The following KLHL12 variants were observed in gnomAD, a reference collection of about 807,000 sequenced individuals.
KLHL12 encodes the protein kelch-like protein 12.
KLHL12 carries 17 observed loss-of-function variants against 60.8 expected under a neutral mutation model. The observed-to-expected ratio is 0.28, with a 90% CI of 0.19 to 0.42. The LOEUF (loss-of-function observed/expected upper bound fraction) is 0.42, where lower values mean the gene tolerates loss of function less well. Among genes scored for constraint, KLHL12 ranks in the 10% least tolerant of loss-of-function variants. The pLI, the probability that KLHL12 is intolerant of heterozygous loss-of-function variation, is 1.00. For missense variants in KLHL12, 468 were observed against 722.3 expected, an observed-to-expected ratio of 0.65 and a Z score of 4.04; for synonymous variants, 220 against 250.9, an observed-to-expected ratio of 0.88 and a Z score of 1.16.
intron 6 of KLHL12, among the ~76,000 whole-genome samples, chr1:202,899,442 T>C (rs894887953): frequency 2.2e-4 from 33 of 152,218 alleles, no homozygotes; most frequent in African/African-American, 7.5e-4. Flanking sequence ...ACGGAGTTTT[T>C]CTAAGAGGGC....
At chr1:202,927,022 G>C (rs969978996) in intron 1 of KLHL12, 67 bp downstream of exon 1, 11 of 968,106 alleles carry the variant, frequency 1.1e-5, no homozygotes, top group African/African-American at 1.1e-4. Context: ...ATGGGGGGTA[G>C]GGCCATAACC....
chr1:202,928,403 C>A (rs1018174352), upstream of KLHL12: 6 of 843,884 alleles, frequency 7.1e-6, no homozygotes, highest in East Asian at 3.8e-4. Flanking sequence ...TCCTCCCTAC[C>A]GCTCACTAGG....
intron 4 of KLHL12, among the ~76,000 whole-genome samples, chr1:202,915,487 A>T (rs1320629163): frequency 1.3e-5 from 2 of 152,166 alleles, no homozygotes; most frequent in African/African-American, 4.8e-5. Flanking sequence ...AAAAAACTAC[A>T]CATAAGAGTT....
chr1:202,894,734 G>A lies in KLHL12; in HGVS notation c.1151C>T (p.Ser384Phe), dbSNP rs772172467. The stretch of plus-strand genomic sequence containing the variant: ...ACGCCTGCTTCCATCAAAGCCTCCA[G>A]AGACATAGATCATATCTGCTCAGAA... ...ATTLGDMIYV[S>F]GGFDGSRRHT... The change falls in exon 9 of 12, where the codon TCT (serine) becomes TTT (phenylalanine). Residue 384 changes from serine to phenylalanine, a missense_variant. Physicochemically the swap from Ser to Phe is radical, Grantham distance 155. Transcript: ENST00000367261. 3.7e-6 allele frequency: 6 copies of A among 1,613,682 alleles called. No individual in the cohort carries two copies. The highest frequency in any genetic ancestry group is 4.2e-6 in the Non-Finnish European group (5 of 1,179,590).
chr1:202,916,915 G>A (rs1417610516), intron 4 of KLHL12, among the ~76,000 whole-genome samples: 2 of 151,230 alleles, frequency 1.3e-5, no homozygotes, highest in African/African-American at 4.9e-5. Flanking sequence ...CCAGGCTGCA[G>A]TGAGCCATAA....
intron 2 of KLHL12, among the ~76,000 whole-genome samples, chr1:202,922,995 T>C (rs1281597677): frequency 6.6e-6 from 1 of 152,198 alleles, no homozygotes; most frequent in Non-Finnish European, 1.5e-5. Context: ...TACTTTATTT[T>C]ACAGATCAAC....
Position 202,927,093 on chromosome 1 carries a change from G to T in KLHL12, c.-50C>A. The T allele has an allele frequency of 1.0e-6, 1 of 985,502 alleles. No homozygotes were observed. The highest frequency in any genetic ancestry group is 1.2e-6 in the Non-Finnish European group (1 of 830,048). The allele number at this position is 985,502 out of a possible 1,614,324, so 61.0% of individuals were successfully genotyped here. Reference sequence around the variant, plus strand: ...CATCACTTCCGCGCAACTCACCTCCGCTCCCGAACCCACACAGCCGCACCG... The same window carrying T: ...CATCACTTCCGCGCAACTCACCTCCTCTCCCGAACCCACACAGCCGCACCG... On this transcript the variant is annotated 5_prime_UTR_variant, in exon 1 of 12. Transcript: ENST00000367261.
chr1:202,917,615 AC>A (rs1210885122), intron 4 of KLHL12, among the ~76,000 whole-genome samples: 4 of 151,766 alleles, frequency 2.6e-5, no homozygotes, highest in African/African-American at 9.7e-5. Context: ...TCACTTCCAA[AC>A]TTTTGTCTCT....
At chr1:202,918,057 G>A (rs1660575362) in intron 4 of KLHL12, 114 bp downstream of exon 4, 1 of 801,192 alleles carries the variant, frequency 1.2e-6, no homozygotes, top group South Asian at 1.7e-5. Context: ...TGAAATCTTT[G>A]AGCCAAAATG....
intron 4 of KLHL12, chr1:202,911,723 T>C: frequency 1.7e-6 from 1 of 604,112 alleles, no homozygotes; most frequent in South Asian, 2.2e-5. Flanking sequence ...CTAACATCAC[T>C]ATGTTGCAGT....
chr1:202,892,668 G>A lies in KLHL12; in HGVS notation c.1581-9C>T, dbSNP rs1365488592. The A allele has an allele frequency of 6.2e-7, 1 of 1,612,660 alleles. No homozygotes were observed. The highest frequency in any genetic ancestry group is 1.7e-5 in the Admixed American group (1 of 59,996). ...GGGAATTACCATCATATCTGAGTGG[G>A]AAAGAAGCAAAAGAAAGAAATGAGT... is the stretch of plus-strand genomic sequence containing the variant. On this transcript the variant is annotated splice_polypyrimidine_tract_variant and intron_variant, in intron 11 of 11. Transcript: ENST00000367261.
chr1:202,925,506 C>A (rs1279345047), intron 1 of KLHL12, among the ~76,000 whole-genome samples: 1 of 152,148 alleles, frequency 6.6e-6, no homozygotes, highest in Non-Finnish European at 1.5e-5. Context: ...TAAATCTTGA[C>A]AAGGTTCTTG....
chr1:202,899,851 AAAT>A (rs1659954707), intron 6 of KLHL12, among the ~76,000 whole-genome samples: 2 of 151,702 alleles, frequency 1.3e-5, no homozygotes, highest in African/African-American at 4.8e-5. Flanking sequence ...TAATAATAAT[AAAT>A]AAAAAAATCA....
chr1:202,905,655 T>C (rs1293765524), intron 6 of KLHL12, among the ~76,000 whole-genome samples: 2 of 152,232 alleles, frequency 1.3e-5, no homozygotes, highest in African/African-American at 4.8e-5. Context: ...AATATCTGCA[T>C]TATTTCTTTG....
chr1:202,902,340 G>C (rs553717247), intron 6 of KLHL12, among the ~76,000 whole-genome samples: 1 of 151,740 alleles, frequency 6.6e-6, no homozygotes, highest in African/African-American at 2.4e-5. Context: ...TGAGGCAGGA[G>C]AATCGCTTGA....
intron 4 of KLHL12, chr1:202,912,459 G>T: frequency 2.4e-6 from 2 of 825,898 alleles, no homozygotes; most frequent in South Asian, 2.7e-5. Flanking sequence ...CATGACAGCC[G>T]TGGTGGTGGT....
chr1:202,909,291 A>G lies in KLHL12; in HGVS notation c.718-167T>C. On this transcript the variant is annotated intron_variant, in intron 5 of 11. Transcript: ENST00000367261. The surrounding 1 kb of genome is among the most constrained non-coding windows in gnomAD (Gnocchi z 4.1). ...GTAACCATGCTCTCGGTTTCCAGAA[A>G]TGATTTTTAAAATTTACTTGAAAAA... is the stretch of plus-strand genomic sequence containing the variant. 1 of 471,282 alleles carries G rather than the reference A, an allele frequency of 2.1e-6. No homozygotes were observed. The highest frequency in any genetic ancestry group is 3.8e-6 in the Non-Finnish European group (1 of 263,302). 29.2% of individuals were successfully genotyped at this position (471,282 alleles called of 1,614,324 possible). A position where few individuals can be genotyped will look rare whatever the true frequency, so the allele number is the denominator to read the frequency against.
intron 2 of KLHL12, among the ~76,000 whole-genome samples, chr1:202,921,175 T>G (rs549384766): frequency 7.1e-6 from 1 of 140,704 alleles, no homozygotes; most frequent in Non-Finnish European, 1.6e-5. Context: ...TACAACCAGC[T>G]AATTTTTTTT....
chr1:202,891,927 T>C lies in KLHL12; in HGVS notation c.*606A>G, dbSNP rs564528006. 6.6e-6 allele frequency: 1 copy of C among 152,314 alleles called. No individual in the cohort carries two copies. The highest frequency in any genetic ancestry group is 2.4e-5 in the African/African-American group (1 of 41,582). 9.4% of individuals were successfully genotyped at this position (152,314 alleles called of 1,614,324 possible). On this transcript the variant is annotated 3_prime_UTR_variant, in exon 12 of 12. Transcript: ENST00000367261. ...TTAATTCACTTAATTCTAACTTCAA[T>C]TCTGATATACAAATCCTGACCTCCA...
Sources: gnomAD v4.1 joint callset for allele counts (sites outside exome capture counted in the v4.1 genomes callset) on GRCh38, gnomAD v4.1.1 for gene constraint, Gnocchi (gnomAD v3.1) non-coding constraint, MANE v1.5 for transcripts, NCBI Gene and HGNC (gene_info 2026-07-23, HGNC 2026-07-21) for gene names.